The following TSPAN12 variants were observed in gnomAD, a reference collection of about 807,000 sequenced individuals.
TSPAN12 encodes tetraspanin-12.
Under a neutral mutation model 39.2 loss-of-function variants are expected in TSPAN12, and 19 were observed. The ratio of observed to expected loss-of-function variants is 0.49; its 90% confidence interval spans 0.34 to 0.71. The LOEUF is 0.71. Among genes scored for constraint, TSPAN12 ranks in the 30% least tolerant of loss-of-function variants. The probability of loss-of-function intolerance (pLI) is 0.01; values close to 1 mark genes in which losing one functional copy is unlikely to be tolerated. For missense variants in TSPAN12, 314 were observed against 359.9 expected (o/e 0.87, Z 1.03); for synonymous variants, 119 against 124.8 (o/e 0.95, Z 0.31).
At chr7:120,813,741 C>A (rs1219446684) in intron 5 of TSPAN12, among the ~76,000 whole-genome samples, 3 of 152,116 alleles carry the variant, frequency 2.0e-5, no homozygotes, top group African/African-American at 7.2e-5. Flanking sequence ...GTCAAGGAGA[C>A]ACATTTATCA....
At chr7:120,822,381 C>G (rs1019133068) in intron 4 of TSPAN12, among the ~76,000 whole-genome samples, 6 of 152,022 alleles carry the variant, frequency 3.9e-5, no homozygotes, top group African/African-American at 1.2e-4. Context: ...TCAACACTTG[C>G]CCTTATCCCT....
chr7:120,829,696 A>G (rs985101694), intron 4 of TSPAN12, among the ~76,000 whole-genome samples: 4 of 152,210 alleles, frequency 2.6e-5, no homozygotes, highest in Non-Finnish European at 5.9e-5. Context: ...GAACATTTCA[A>G]TAGCATGTGC....
intron 4 of TSPAN12, among the ~76,000 whole-genome samples, chr7:120,826,005 G>A (rs114208518): frequency 0.028 from 4,262 of 152,166 alleles, 193 homozygotes; most frequent in African/African-American, 0.098. Flanking sequence ...CTTAGAGACC[G>A]TCCCAAGCCC....
At chr7:120,800,934 C>T (rs1038051953) in intron 7 of TSPAN12, among the ~76,000 whole-genome samples, 1 of 151,812 alleles carries the variant, frequency 6.6e-6, no homozygotes, top group Middle Eastern at 3.2e-3. Flanking sequence ...GGACTACACA[C>T]ATGCACCACA....
chr7:120,793,711 C>A (rs893633567), intron 7 of TSPAN12, among the ~76,000 whole-genome samples: 1 of 152,172 alleles, frequency 6.6e-6, no homozygotes, highest in Admixed American at 6.5e-5. Flanking sequence ...TACTGTATGT[C>A]CATCCGTCAA....
chr7:120,845,496 C>A (rs966802338), intron 2 of TSPAN12, among the ~76,000 whole-genome samples: 1 of 152,108 alleles, frequency 6.6e-6, no homozygotes, highest in Non-Finnish European at 1.5e-5. Context: ...CATATATGAC[C>A]ATACATTTTA....
intron 4 of TSPAN12, among the ~76,000 whole-genome samples, chr7:120,825,824 G>A (rs146832646): frequency 6.6e-6 from 1 of 152,242 alleles, no homozygotes; most frequent in East Asian, 1.9e-4. Flanking sequence ...TATACACACA[G>A]AGCCTCTGTT....
chr7:120,822,815 T>C (rs1001769264), intron 4 of TSPAN12, among the ~76,000 whole-genome samples: 4 of 151,960 alleles, frequency 2.6e-5, no homozygotes, highest in Non-Finnish European at 4.4e-5. Context: ...AGAGTCAGGA[T>C]TGGGGACAGC....
intron 6 of TSPAN12, 108 bp from the exon 7 acceptor site, chr7:120,806,800 G>A: frequency 7.6e-7 from 1 of 1,314,310 alleles, no homozygotes; most frequent in Non-Finnish European, 1.1e-6. Flanking sequence ...AGCTATATCT[G>A]TCATCACCTA....
chr7:120,799,301 C>G (rs1793693664), intron 7 of TSPAN12, among the ~76,000 whole-genome samples: 1 of 150,848 alleles, frequency 6.6e-6, no homozygotes, highest in African/African-American at 2.4e-5. Flanking sequence ...AGGCCAAGTC[C>G]ACTCCCAACC....
intron 2 of TSPAN12, among the ~76,000 whole-genome samples, chr7:120,842,270 G>T (rs1199528723): frequency 6.6e-6 from 1 of 152,064 alleles, no homozygotes; most frequent in African/African-American, 2.4e-5. Flanking sequence ...TGGAAAATCA[G>T]CTAGTGAATT....
chr7:120,840,029 C>T lies in TSPAN12; in HGVS notation c.147G>A (p.Thr49=), dbSNP rs746696379. The change falls in exon 3 of 8, where the codon ACG becomes ACA. Residue 49 remains threonine, a splice_region_variant and synonymous_variant. Coordinates refer to ENST00000222747, the MANE Select transcript of TSPAN12 (RefSeq NM_012338.4). ...LNNVLTLTAE[T]RVEEAVILTY... ...CAATCAATAATTATAAAGTATACCT[C>T]GTTTCTGCAGTTAAAGTGAGAACAT... 11 of 1,609,892 alleles carry T rather than the reference C, an allele frequency of 6.8e-6. No homozygotes were observed. Among genetic ancestry groups the T allele is most frequent in the Middle Eastern group, 1.7e-4 (1 of 6,056 alleles).
chr7:120,806,479 A>G (rs1053075164), intron 7 of TSPAN12, 70 bp downstream of exon 7: 1 of 1,564,618 alleles, frequency 6.4e-7, no homozygotes, highest in African/African-American at 1.4e-5. Context: ...TCATTGGCAT[A>G]TTGTTGATTC....
chr7:120,822,903 T>A (rs1794214735), intron 4 of TSPAN12, among the ~76,000 whole-genome samples: 1 of 152,138 alleles, frequency 6.6e-6, no homozygotes, highest in South Asian at 2.1e-4. Flanking sequence ...CTACAAAGGT[T>A]CAAGACTCAA....
At chr7:120,834,704 T>TGAATACA (rs1423884486) in intron 4 of TSPAN12, among the ~76,000 whole-genome samples, 1 of 152,202 alleles carries the variant, frequency 6.6e-6, no homozygotes, top group Non-Finnish European at 1.5e-5. Flanking sequence ...AACAAGACTT[T>TGAATACA]GAATACAGGG....
Position 120,840,087 on chromosome 7 carries a change from G to A in TSPAN12, c.89C>T (p.Ala30Val). Residue 30 changes from alanine (A) to valine (V), a missense_variant, in exon 3 of 8, where the codon GCA becomes GTA. By Grantham distance (64) the Ala-to-Val change is moderately conservative. Transcript: ENST00000222747. Reference sequence around the variant, plus strand: ...GTAGTCCCTCATCCAAGCAGAAACTGCCAACACACTGATGGACATTAACTG... The same window carrying A: ...GTAGTCCCTCATCCAAGCAGAAACTACCAACACACTGATGGACATTAACTG... ...LFWLMSISVL[A>V]VSAWMRDYLN... 6.2e-7 allele frequency: 1 copy of A among 1,613,718 alleles called. No individual in the cohort carries two copies. Among genetic ancestry groups the A allele is most frequent in the Non-Finnish European group, 8.5e-7 (1 of 1,179,714 alleles).
intron 4 of TSPAN12, among the ~76,000 whole-genome samples, chr7:120,828,801 C>G (rs990041037): frequency 6.6e-6 from 1 of 151,848 alleles, no homozygotes; most frequent in African/African-American, 2.4e-5. Context: ...ACTGTGCAAG[C>G]CCTATACAGA....
chr7:120,845,039 C>T (rs1007619483), intron 2 of TSPAN12, among the ~76,000 whole-genome samples: 5 of 152,184 alleles, frequency 3.3e-5, no homozygotes, highest in African/African-American at 2.4e-5. Flanking sequence ...CCTCTGTGCA[C>T]CCACAGGCTT....
intron 4 of TSPAN12, among the ~76,000 whole-genome samples, chr7:120,836,464 A>G (rs1162319429): frequency 6.6e-6 from 1 of 152,216 alleles, no homozygotes; most frequent in Non-Finnish European, 1.5e-5. Context: ...TTTGTAAAAA[A>G]GAGTACATCC....
Sources: gnomAD v4.1 joint callset for allele counts (sites outside exome capture counted in the v4.1 genomes callset) on GRCh38, gnomAD v4.1.1 for gene constraint, MANE v1.5 for transcripts, NCBI Gene and HGNC (gene_info 2026-07-23, HGNC 2026-07-21) for gene names.